Variants in VSIG10L2 observed in about 807,000 individuals in gnomAD.
VSIG10L2 encodes the protein V-set and immunoglobulin domain containing 10 like 2.
A neutral mutation model predicts 67.1 loss-of-function variants in VSIG10L2; 56 were observed. The ratio of observed to expected loss-of-function variants is 0.83; its 90% CI spans 0.67 to 1.04. The LOEUF is 1.04. Among genes scored for constraint, VSIG10L2 ranks in the 50% least tolerant of loss-of-function variants. The pLI, the probability that VSIG10L2 is intolerant of heterozygous loss-of-function variation, is 0.00. For missense variants in VSIG10L2, 843 were observed against 932.8 expected (o/e 0.90, Z 1.25); for synonymous variants, 360 against 396.6 (o/e 0.91, Z 1.10).
At position 125,946,278 on chromosome 11, in the gene VSIG10L2, T is replaced by C; in HGVS notation, c.82+141T>C. On this transcript the variant is annotated intron_variant, in intron 1 of 11. Coordinates refer to ENST00000686984, the MANE Select transcript of VSIG10L2 (RefSeq NM_001365077.2). This position sits in a 1 kb window ranked among gnomAD's most constrained non-coding sequence, Gnocchi z 4.4. ...TCATCGGCTAGACATTTAACTAGCG[T>C]TCACTGAGCGACTACTATGTGCCAC... The C allele has an allele frequency of 5.0e-6, 2 of 396,254 alleles. No individual in the cohort carries two copies. The highest frequency in any genetic ancestry group is 8.9e-6 in the Non-Finnish European group (2 of 225,038). 24.5% of individuals were successfully genotyped at this position (396,254 alleles called of 1,614,324 possible).
At position 125,950,985 on chromosome 11, in the gene VSIG10L2, G is replaced by A. The variant is rs940429110; in HGVS notation, c.1061G>A (p.Gly354Glu). ...GTGACCCTGCTCTGTGCCTGGCCTG[G>A]GGGGCTTCCGCCTGCCCAACTGCAG... is the stretch of plus-strand genomic sequence containing the variant. ...EAVTLLCAWP[G>E]GLPPAQLQWE... The change falls in exon 5 of 12, where the codon GGG (glycine) becomes GAG (glutamate). Residue 354 changes from glycine to glutamate, a missense_variant. Gly to Glu is a moderately conservative substitution (Grantham distance 98, BLOSUM62 -2). Transcript: ENST00000686984. 8.1e-7 allele frequency: 1 copy of A among 1,232,312 alleles called. No homozygotes were observed. Among genetic ancestry groups the A allele is most frequent in the Non-Finnish European group, 1.0e-6 (1 of 988,216 alleles). 76.3% of individuals were successfully genotyped at this position (1,232,312 alleles called of 1,614,324 possible). A position where few individuals can be genotyped will look rare whatever the true frequency, so the allele number is the denominator to read the frequency against.
chr11:125,947,851 C>G lies in VSIG10L2; in HGVS notation c.248C>G (p.Thr83Ser). ...GSLVPRPVAVTDGAMSKVEAI... is the reference protein window; with the variant it reads ...GSLVPRPVAVSDGAMSKVEAI... The stretch of plus-strand genomic sequence containing the variant: ...CTGGTTCCCCGGCCTGTGGCCGTCA[C>G]CGATGGAGCCATGTCCAAGGTGGAG... Residue 83 changes from threonine to serine, a missense_variant, in exon 2 of 12, where the codon ACC (threonine) becomes AGC (serine). Around this residue, in one of 2 missense-constraint regions of VSIG10L2, gnomAD observed 446 missense variants for 548.4 expected, o/e 0.81. Coordinates refer to ENST00000686984, the MANE Select transcript of VSIG10L2 (RefSeq NM_001365077.2). 1.6e-6 allele frequency: 2 copies of G among 1,232,384 alleles called. No homozygotes were observed. The highest frequency in any genetic ancestry group is 2.0e-6 in the Non-Finnish European group (2 of 988,132). 76.3% of individuals were successfully genotyped at this position (1,232,384 alleles called of 1,614,324 possible).
Position 125,947,696 on chromosome 11 carries a change from C to T in VSIG10L2, c.93C>T (p.His31=), listed in dbSNP as rs971051926. 8.1e-7 allele frequency: 1 copy of T among 1,232,338 alleles called. No homozygotes were observed. The highest frequency in any genetic ancestry group is 1.5e-5 in the African/African-American group (1 of 64,534). The allele number at this position is 1,232,338 out of a possible 1,614,324, so 76.3% of individuals were successfully genotyped here. A position where few individuals can be genotyped will look rare whatever the true frequency, so the allele number is the denominator to read the frequency against. The stretch of plus-strand genomic sequence containing the variant: ...CCCTTCTCTCCCCAGGCCAGCCCCA[C>T]CCGACCCCCGAGGCCCCTGTAGAGG... The part of the protein sequence containing the change: ...LLHLRASGQP[H]PTPEAPVEEV... The change falls in exon 2 of 12, where the codon CAC becomes CAT. Residue 31 remains histidine (H), a synonymous_variant. Coordinates refer to ENST00000686984, the MANE Select transcript of VSIG10L2 (RefSeq NM_001365077.2).
Position 125,956,143 on chromosome 11 carries a change from A to G in VSIG10L2, c.*229A>G. 1 of 659,342 alleles carries G rather than the reference A, an allele frequency of 1.5e-6. No individual in the cohort carries two copies. The highest frequency in any genetic ancestry group is 2.8e-6 in the Non-Finnish European group (1 of 358,482). The allele number at this position is 659,342 out of a possible 1,614,324, so 40.8% of individuals were successfully genotyped here. The stretch of plus-strand genomic sequence containing the variant: ...TGTGGAAGACAGAGGTGGCAGGACA[A>G]GGAAGAGGACCCACAATGGGGAGAC... On this transcript the variant is annotated 3_prime_UTR_variant, in exon 12 of 12. Coordinates refer to ENST00000686984, the MANE Select transcript of VSIG10L2 (RefSeq NM_001365077.2).
chr11:125,948,072 G>A (rs1024653914), intron 2 of VSIG10L2, 36 bp downstream of exon 2: 42 of 1,232,348 alleles, frequency 3.4e-5, no homozygotes, highest in Non-Finnish European at 4.1e-5. Flanking sequence ...TGGTCCGCGG[G>A]CTGCTTTGGA....
At chr11:125,955,699 T>A in intron 11 of VSIG10L2, 32 bp downstream of exon 11, 2 of 1,523,960 alleles carry the variant, frequency 1.3e-6, no homozygotes, top group Non-Finnish European at 1.8e-6. Context: ...AGACGACTCG[T>A]GTACAAGGAG....
At position 125,956,183 on chromosome 11, in the gene VSIG10L2, G is replaced by A; in HGVS notation, c.*269G>A. On this transcript the variant is annotated 3_prime_UTR_variant, in exon 12 of 12. Transcript: ENST00000686984. Reference sequence around the variant, plus strand: ...AATGGGGAGACAGGGATCTCTGGGTGTCTGAGGGCAAGTGAAAGCCATGGT... The same window carrying A: ...AATGGGGAGACAGGGATCTCTGGGTATCTGAGGGCAAGTGAAAGCCATGGT... 3.3e-6 allele frequency: 2 copies of A among 612,522 alleles called. No homozygotes were observed. Among genetic ancestry groups the A allele is most frequent in the Non-Finnish European group, 6.1e-6 (2 of 329,006 alleles). 37.9% of individuals were successfully genotyped at this position (612,522 alleles called of 1,614,324 possible).
At chr11:125,952,171 T>C in intron 6 of VSIG10L2, 98 bp downstream of exon 6, 4 of 1,420,332 alleles carry the variant, frequency 2.8e-6, no homozygotes, top group Non-Finnish European at 3.7e-6. Context: ...TGTGCTGGCA[T>C]GGAAAGTGAG....
At chr11:125,954,966 T>C in intron 8 of VSIG10L2, 91 bp from the exon 9 acceptor site, 2 of 1,210,780 alleles carry the variant, frequency 1.7e-6, no homozygotes, top group Non-Finnish European at 1.0e-6. Flanking sequence ...AGGGCACCGC[T>C]TCTCCAGAAC....
At chr11:125,947,065 G>A (rs1945309765) in intron 1 of VSIG10L2, among the ~76,000 whole-genome samples, 1 of 152,144 alleles carries the variant, frequency 6.6e-6, no homozygotes, top group Admixed American at 6.5e-5. Flanking sequence ...AGGGGTGGGG[G>A]GCTCATTTGT....
At chr11:125,954,581 G>T (rs1945426040) in intron 8 of VSIG10L2, among the ~76,000 whole-genome samples, 198 bp downstream of exon 8, 1 of 152,154 alleles carries the variant, frequency 6.6e-6, no homozygotes, top group African/African-American at 2.4e-5. Flanking sequence ...CTCCCTGGGG[G>T]GCTTGGGAGG....
At position 125,950,264 on chromosome 11, in the gene VSIG10L2, G is replaced by GACT; in HGVS notation, c.964_966dup (p.Thr322dup). 8.1e-7 allele frequency: 1 copy of GACT among 1,232,498 alleles called. No individual in the cohort carries two copies. The highest frequency in any genetic ancestry group is 1.0e-6 in the Non-Finnish European group (1 of 988,202). 76.3% of individuals were successfully genotyped at this position (1,232,498 alleles called of 1,614,324 possible). ...ACAGCTACCTGGACACCCGCACCCA[G>GACT]ACTACTGTCCAGCTCACCATCTACT... On this transcript the variant is annotated inframe_insertion, in exon 4 of 12. Transcript: ENST00000686984.
chr11:125,947,023 G>C (rs1052146521), intron 1 of VSIG10L2, among the ~76,000 whole-genome samples: 4 of 152,130 alleles, frequency 2.6e-5, no homozygotes, highest in Non-Finnish European at 5.9e-5. Flanking sequence ...CTTAATGGCT[G>C]GTCCCTGATA....
In VSIG10L2 at chr11:125,948,354, G is replaced by T; in HGVS notation, c.483G>T (p.Glu161Asp). The change falls in exon 3 of 12, where the codon GAG becomes GAT. Residue 161 changes from glutamate (E) to aspartate (D), a missense_variant. Coordinates refer to ENST00000686984, the MANE Select transcript of VSIG10L2 (RefSeq NM_001365077.2). ...GACTGAGTAACCCGTCCCCTGTGGA[G>T]GGAGCCTCCGTGGTGGCCACGTGTG... ...QVRLSNPSPV[E>D]GASVVATCAV... 1 of 1,232,474 alleles carries T rather than the reference G, an allele frequency of 8.1e-7. No homozygotes were observed. The highest frequency in any genetic ancestry group is 1.0e-6 in the Non-Finnish European group (1 of 988,192). The allele number at this position is 1,232,474 out of a possible 1,614,324, so 76.3% of individuals were successfully genotyped here.
chr11:125,954,482 C>G (rs1039924969), intron 8 of VSIG10L2, 99 bp downstream of exon 8: 1 of 1,039,684 alleles, frequency 9.6e-7, no homozygotes, highest in African/African-American at 1.7e-5. Context: ...TCTTCCTTTG[C>G]TCGCATCCTA....
chr11:125,949,932 G>C (rs933936290), intron 3 of VSIG10L2, 82 bp from the exon 4 acceptor site: 1 of 1,207,032 alleles, frequency 8.3e-7, no homozygotes, highest in East Asian at 3.2e-5. Flanking sequence ...CCCTAGGATG[G>C]ATGCATACAT....
intron 3 of VSIG10L2, among the ~76,000 whole-genome samples, chr11:125,949,144 T>C (rs1322138572): frequency 1.3e-5 from 2 of 152,270 alleles, no homozygotes; most frequent in Non-Finnish European, 2.9e-5. Flanking sequence ...AAAGAAAGAA[T>C]GTAAAATATC....
At chr11:125,952,796 C>T (rs911867126) in intron 6 of VSIG10L2, among the ~76,000 whole-genome samples, 3 of 152,186 alleles carry the variant, frequency 2.0e-5, no homozygotes, top group Non-Finnish European at 2.9e-5. Context: ...GAAAAGCAAA[C>T]AGAGAAGCTG....
At position 125,953,408 on chromosome 11, in the gene VSIG10L2, C is replaced by A. The variant is rs775428499; in HGVS notation, c.1504C>A (p.Gln502Lys). ...CCTCTCTGTCCCCGCAGAAGCCCCA[C>A]AGCTGGACGTGGCTGAGCCCCGCGT... ...PHCHLQLEAP[Q>K]LDVAEPRVSV... Residue 502 changes from glutamine to lysine, a missense_variant, in exon 7 of 12, where the codon CAG becomes AAG. Physicochemically the swap from Gln to Lys is moderately conservative, Grantham distance 53. Transcript: ENST00000686984. 9 of 1,232,384 alleles carry A rather than the reference C, an allele frequency of 7.3e-6. No individual in the cohort carries two copies. The highest frequency in any genetic ancestry group is 8.1e-6 in the Non-Finnish European group (8 of 988,242). The allele number at this position is 1,232,384 out of a possible 1,614,324, so 76.3% of individuals were successfully genotyped here.
Sources: allele counts gnomAD v4.1 joint callset (sites outside exome capture counted in the v4.1 genomes callset), GRCh38; gene constraint gnomAD v4.1.1; regional missense constraint gnomAD v4.1.1; non-coding constraint Gnocchi (gnomAD v3.1); transcripts MANE v1.5; gene names NCBI Gene and HGNC (gene_info 2026-07-23, HGNC 2026-07-21).